Variants in CEP68 observed in about 807,000 individuals in gnomAD.
The protein encoded by CEP68 is centrosomal protein 68, also known as centrosomal protein of 68 kDa.
A neutral mutation model predicts 55.3 loss-of-function variants in CEP68; 26 were observed. That is an observed-to-expected ratio of 0.47 (90% CI 0.34 to 0.65). CEP68 has a LOEUF of 0.65. Ranked by LOEUF, CEP68 falls within the 30% of genes least tolerant of loss-of-function variation. The probability of loss-of-function intolerance (pLI) is 0.01; values close to 1 mark genes in which losing one functional copy is unlikely to be tolerated. For missense variants in CEP68, 957 were observed against 946.7 expected, an observed-to-expected ratio of 1.01 and a Z score of -0.14; for synonymous variants, 402 against 383.2, an observed-to-expected ratio of 1.05 and a Z score of -0.57.
intron 4 of CEP68, among the ~76,000 whole-genome samples, chr2:65,076,463 G>A (rs994060751): frequency 6.6e-6 from 1 of 152,216 alleles, no homozygotes; most frequent in Non-Finnish European, 1.5e-5. Context: ...CACCCATACA[G>A]CTGTCACAAA....
intron 4 of CEP68, chr2:65,074,764 A>AC (rs145470320): frequency 0.12 from 24,340 of 202,198 alleles, 1,319 homozygotes; most frequent in Middle Eastern, 0.18. Flanking sequence ...ACATAGCAAG[A>AC]CCCCCCCCCC....
intron 1 of CEP68, among the ~76,000 whole-genome samples, chr2:65,068,390 C>T (rs558110562): frequency 8.5e-5 from 13 of 152,274 alleles, no homozygotes; most frequent in South Asian, 2.1e-4. Context: ...TGTGCTCCCT[C>T]GCCTGCCTGC....
chr2:65,078,468 C>G (rs1258854666), intron 5 of CEP68, among the ~76,000 whole-genome samples: 2 of 152,182 alleles, frequency 1.3e-5, no homozygotes, highest in African/African-American at 4.8e-5. Flanking sequence ...CCTCAGGGAA[C>G]AGATTGAATG....
intron 5 of CEP68, chr2:65,080,570 A>C: frequency 2.0e-6 from 2 of 981,992 alleles, no homozygotes; most frequent in Non-Finnish European, 2.4e-6. Flanking sequence ...TGTAATCTCA[A>C]CACTTTGGGA....
rs928265713 is a variant in CEP68 at position 65,084,533 on chromosome 2, A to AC, written c.*899_*900insC. ...ATAAGTACTTTGATTAAAAAAAAAA[A>AC]AAACTATGGATCAACCATTCAAAGC... is the stretch of plus-strand genomic sequence containing the variant. On this transcript the variant is annotated 3_prime_UTR_variant, in exon 7 of 7. Coordinates refer to ENST00000377990, the MANE Select transcript of CEP68 (RefSeq NM_015147.3). 5 of 151,844 alleles carry AC rather than the reference A, an allele frequency of 3.3e-5. No individual in the cohort carries two copies. The highest frequency in any genetic ancestry group is 1.2e-4 in the African/African-American group (5 of 41,310). The allele number at this position is 151,844 out of a possible 1,614,324, so 9.4% of individuals were successfully genotyped here. A position where few individuals can be genotyped will look rare whatever the true frequency, so the allele number is the denominator to read the frequency against.
At chr2:65,063,654 G>A (rs780779213) in intron 1 of CEP68, among the ~76,000 whole-genome samples, 1 of 152,172 alleles carries the variant, frequency 6.6e-6, no homozygotes, top group African/African-American at 2.4e-5. Flanking sequence ...GTAAAATCTC[G>A]GATCTATGGA....
In CEP68 at chr2:65,074,292, G is replaced by C; in HGVS notation, c.1895G>C (p.Cys632Ser). The C allele has an allele frequency of 6.2e-7, 1 of 1,614,112 alleles. No individual in the cohort carries two copies. Among genetic ancestry groups the C allele is most frequent in the Non-Finnish European group, 8.5e-7 (1 of 1,179,968 alleles). ...TATTTGTCTCTGCAGACATTTTGCTGTCAGCTGGAAGAGCTGATCTGCTGG... is the reference window on the plus strand; with the variant it reads ...TATTTGTCTCTGCAGACATTTTGCTCTCAGCTGGAAGAGCTGATCTGCTGG... Reference protein sequence around the residue: ...SLVQCVKTFCCQLEELICWLY... With the variant: ...SLVQCVKTFCSQLEELICWLY... Residue 632 changes from cysteine (C) to serine (S), a missense_variant, in exon 4 of 7, where the codon TGT becomes TCT. By Grantham distance (112) the Cys-to-Ser change is moderately radical. Transcript: ENST00000377990.
intron 1 of CEP68, among the ~76,000 whole-genome samples, 182 bp from the exon 2 acceptor site, chr2:65,069,217 C>G (rs1223473864): frequency 1.3e-5 from 2 of 152,300 alleles, no homozygotes; most frequent in Middle Eastern, 6.8e-3. Context: ...TTCTGTGTCC[C>G]CTTTGGAAAG....
intron 3 of CEP68, chr2:65,073,683 G>C (rs1215287026): frequency 6.3e-6 from 1 of 158,914 alleles, no homozygotes; most frequent in Non-Finnish European, 1.4e-5. Context: ...CATGTTGAGG[G>C]CTTCGGTGCA....
chr2:65,058,497 CTTTTTTTTTTT>C (rs34477880), intron 1 of CEP68, among the ~76,000 whole-genome samples: 20 of 75,684 alleles, frequency 2.6e-4, no homozygotes, highest in Non-Finnish European at 4.1e-4. Context: ...GATTTTTTTC[CTTTTTTTTTTT>C]TTTTTTTTTT....
Position 65,069,385 on chromosome 2 carries a change from C to A in CEP68, c.-46-14C>A, listed in dbSNP as rs1676346378. ...GAAGATTTATATTTTTCTCTCCCTTCCCCTGTTTTGTAGGAAGCTGAAGTC... is the reference window on the plus strand; with the variant it reads ...GAAGATTTATATTTTTCTCTCCCTTACCCTGTTTTGTAGGAAGCTGAAGTC... On this transcript the variant is annotated splice_polypyrimidine_tract_variant and intron_variant, in intron 1 of 6. Coordinates refer to ENST00000377990, the MANE Select transcript of CEP68 (RefSeq NM_015147.3). The A allele has an allele frequency of 1.6e-6, 2 of 1,263,626 alleles. No homozygotes were observed. The highest frequency in any genetic ancestry group is 2.2e-6 in the Non-Finnish European group (2 of 923,748). 78.3% of individuals were successfully genotyped at this position (1,263,626 alleles called of 1,614,324 possible). A position where few individuals can be genotyped will look rare whatever the true frequency, so the allele number is the denominator to read the frequency against.
intron 3 of CEP68, 87 bp downstream of exon 3, chr2:65,073,067 T>C: frequency 1.4e-6 from 2 of 1,460,298 alleles, no homozygotes; most frequent in Non-Finnish European, 1.9e-6. Context: ...AACATGTTCA[T>C]GTTGACCAGG....
chr2:65,071,868 G>A lies in CEP68; in HGVS notation c.772G>A (p.Asp258Asn). ...ACCACAGCCTGTGTTCTCTGGGGGTGATGCTTCTGGGCTAGGCAGGAGACG... is the reference window on the plus strand; with the variant it reads ...ACCACAGCCTGTGTTCTCTGGGGGTAATGCTTCTGGGCTAGGCAGGAGACG... ...WSPQPVFSGG[D>N]ASGLGRRRLS... Residue 258 changes from aspartate to asparagine, a missense_variant, in exon 3 of 7, where the codon GAT (aspartate) becomes AAT (asparagine). Coordinates refer to ENST00000377990, the MANE Select transcript of CEP68 (RefSeq NM_015147.3). The A allele has an allele frequency of 1.9e-6, 3 of 1,608,832 alleles. No homozygotes were observed. In the South Asian group the frequency reaches 3.3e-5, roughly 18 times the overall value.
chr2:65,059,034 G>A (rs1393897481), intron 1 of CEP68, among the ~76,000 whole-genome samples: 2 of 152,062 alleles, frequency 1.3e-5, no homozygotes, highest in East Asian at 3.8e-4. Context: ...TAAATAGATG[G>A]GGGCCTCATG....
Position 65,081,992 on chromosome 2 carries a change from G to A in CEP68, c.2105-544G>A, listed in dbSNP as rs184564714. ...TGGGATTACAGGCGTGAGCCACTGC[G>A]CCTGGCCAGGTCATTTTCTTTTTCA... On this transcript the variant is annotated intron_variant, in intron 5 of 6. Coordinates refer to ENST00000377990, the MANE Select transcript of CEP68 (RefSeq NM_015147.3). Among the ~76,000 whole-genome samples, 3 of 152,220 alleles carry A rather than the reference G, an allele frequency of 2.0e-5. No individual in the cohort carries two copies. The East Asian group carries it at 5.8e-4, about 29-fold the overall frequency.
chr2:65,082,122 G>C (rs771459643), intron 5 of CEP68, among the ~76,000 whole-genome samples: 26 of 152,196 alleles, frequency 1.7e-4, no homozygotes, highest in Non-Finnish European at 2.9e-4. Context: ...GAAACTGATA[G>C]ACCTGGTAGC....
chr2:65,073,767 CT>C (rs146037244), intron 3 of CEP68: 3,287 of 161,460 alleles, frequency 0.02, 128 homozygotes, highest in African/African-American at 0.075. Context: ...GGGCTTTCAC[CT>C]TCCCAGGAGG....
Position 65,072,011 on chromosome 2 carries a change from T to A in CEP68, c.915T>A (p.Tyr305Ter). The A allele has an allele frequency of 1.2e-6, 2 of 1,613,226 alleles. No homozygotes were observed. The highest frequency in any genetic ancestry group is 1.7e-6 in the Non-Finnish European group (2 of 1,179,986). Residue 305 changes from tyrosine (Y) to a stop codon, truncating the protein, a stop_gained, in exon 3 of 7, where the codon TAT becomes TAA. Coordinates refer to ENST00000377990, the MANE Select transcript of CEP68 (RefSeq NM_015147.3). LOFTEE classifies it high-confidence loss of function. ...PNKEYEDLLD[Y>*]TYPLRPGPQL... ...AAGAGTATGAAGATCTGCTTGACTA[T>A]ACTTACCCACTGAGGCCCGGGCCTC...
chr2:65,074,417 C>T lies in CEP68; in HGVS notation c.2007+13C>T, dbSNP rs976523774. On this transcript the variant is annotated intron_variant, in intron 4 of 6. Coordinates refer to ENST00000377990, the MANE Select transcript of CEP68 (RefSeq NM_015147.3). ...GCAGCTTTACCGGGTAATATGCGGT[C>T]CTGGCTCTGGCTTGTTCCCTCACAA... 1.9e-6 allele frequency: 3 copies of T among 1,613,904 alleles called. No individual in the cohort carries two copies. The African/African-American group carries it at 4.0e-5, about 22-fold the overall frequency.
Sources: allele counts gnomAD v4.1 joint callset (sites outside exome capture counted in the v4.1 genomes callset), GRCh38; gene constraint gnomAD v4.1.1; transcripts MANE v1.5; gene names NCBI Gene and HGNC (gene_info 2026-07-23, HGNC 2026-07-21).